The following GRIP1 variants were observed in gnomAD, a reference collection of about 807,000 sequenced individuals.
GRIP1 encodes the protein glutamate receptor interacting protein 1, also known as glutamate receptor-interacting protein 1.
In GRIP1, 45 loss-of-function variants were observed where a neutral mutation model predicts 129.9. That is an observed-to-expected ratio of 0.35 (90% CI 0.27 to 0.44). The LOEUF is 0.44. GRIP1 is among the 20% of genes least tolerant of loss of function. The probability of loss-of-function intolerance (pLI) is 1.00; values close to 1 mark genes in which losing one functional copy is unlikely to be tolerated. For missense variants in GRIP1, 1,196 were observed against 1,396.8 expected, an observed-to-expected ratio of 0.86 and a Z score of 2.29; for synonymous variants, 530 against 520.8, an observed-to-expected ratio of 1.02 and a Z score of -0.24.
At chr12:66,955,464 T>TATAA (rs1490194879) in intron 1 of GRIP1, among the ~76,000 whole-genome samples, 1 of 151,640 alleles carries the variant, frequency 6.6e-6, no homozygotes, top group Admixed American at 6.6e-5. Flanking sequence ...AACTGAAACT[T>TATAA]ATAAACAAAA....
intron 13 of GRIP1, among the ~76,000 whole-genome samples, chr12:66,443,428 A>T (rs4913521): frequency 0.39 from 56,784 of 147,350 alleles, 10,759 homozygotes; most frequent in East Asian, 0.5. Flanking sequence ...CTACCGCAAT[A>T]TTTTTTTTTT....
chr12:66,730,695 C>T (rs1050065055), intron 1 of GRIP1, among the ~76,000 whole-genome samples: 2 of 70,030 alleles, frequency 2.9e-5, no homozygotes, highest in Non-Finnish European at 5.8e-5. Context: ...CCAAGAGGGT[C>T]ATCTACAAAA....
upstream of GRIP1, among the ~76,000 whole-genome samples, chr12:66,681,153 C>A (rs947932451): frequency 1.3e-5 from 2 of 152,112 alleles, no homozygotes; most frequent in African/African-American, 4.8e-5. Context: ...CCATATCTAT[C>A]CTATTAGTCT....
chr12:66,361,030 T>A (rs2054732953), intron 23 of GRIP1, among the ~76,000 whole-genome samples: 1 of 152,242 alleles, frequency 6.6e-6, no homozygotes, highest in South Asian at 2.1e-4. Flanking sequence ...CCCATTCCTT[T>A]AACTCTGACA....
chr12:66,673,118 T>C (rs976913744), intron 1 of GRIP1, among the ~76,000 whole-genome samples: 2 of 152,026 alleles, frequency 1.3e-5, no homozygotes, highest in African/African-American at 4.8e-5. Context: ...AGAAAAAAAA[T>C]GGCAAAAATG....
chr12:67,006,016 C>T (rs559686320), intron 1 of GRIP1, among the ~76,000 whole-genome samples: 46 of 152,252 alleles, frequency 3.0e-4, no homozygotes, highest in Non-Finnish European at 4.6e-4. Context: ...ATCCACATAC[C>T]AGCTCCTTGG....
intron 1 of GRIP1, among the ~76,000 whole-genome samples, chr12:66,701,425 T>C (rs1454466188): frequency 6.6e-6 from 1 of 152,184 alleles, no homozygotes; most frequent in Non-Finnish European, 1.5e-5. Context: ...ATAATGTAAC[T>C]GGAAATACAG....
intron 1 of GRIP1, among the ~76,000 whole-genome samples, chr12:66,612,885 C>G (rs1444751703): frequency 1.3e-5 from 2 of 152,004 alleles, no homozygotes; most frequent in East Asian, 3.9e-4. Context: ...AAAACTCATG[C>G]AAATGAAGAT....
intron 1 of GRIP1, among the ~76,000 whole-genome samples, chr12:66,961,612 T>G (rs2041922423): frequency 6.6e-6 from 1 of 152,204 alleles, no homozygotes; most frequent in South Asian, 2.1e-4. Context: ...AGGATTTTTT[T>G]TTTGTTTTAA....
rs762416530 is a variant in GRIP1 at position 66,529,879 on chromosome 12, C to T, written c.454G>A (p.Glu152Lys). 4.4e-6 allele frequency: 7 copies of T among 1,606,572 alleles called. No homozygotes were observed. Among genetic ancestry groups the T allele is most frequent in the Non-Finnish European group, 6.0e-6 (7 of 1,173,162 alleles). Residue 152 changes from glutamate (E) to lysine (K), a missense_variant, in exon 5 of 25, where the codon GAG (glutamate) becomes AAG (lysine). This residue lies in a region of GRIP1 where 217 missense variants were observed against 224.8 expected (regional missense o/e 0.97). Transcript: ENST00000359742. ...TTGCCTTCTTTATGTAATGTGACCTCCACTGTTCGGAAAATAACACTTGAT... is the reference window on the plus strand; with the variant it reads ...TTGCCTTCTTTATGTAATGTGACCTTCACTGTTCGGAAAATAACACTTGAT... ...QGSSVIFRTV[E>K]VTLHKEGNTF...
chr12:67,019,094 G>T (rs2042828598), intron 1 of GRIP1, among the ~76,000 whole-genome samples: 1 of 152,162 alleles, frequency 6.6e-6, no homozygotes, highest in Non-Finnish European at 1.5e-5. Context: ...AAAACCGTGG[G>T]TTGAGAAAGG....
intron 1 of GRIP1, among the ~76,000 whole-genome samples, chr12:67,039,018 A>AACACAC (rs10562551): frequency 1.7e-4 from 26 of 149,046 alleles, no homozygotes; most frequent in Middle Eastern, 3.4e-3. Context: ...ACAAATAATA[A>AACACAC]ACACACACAC....
intron 11 of GRIP1, among the ~76,000 whole-genome samples, chr12:66,445,927 G>A (rs1373844403): frequency 6.6e-6 from 1 of 152,084 alleles, no homozygotes; most frequent in African/African-American, 2.4e-5. Flanking sequence ...TTCCACTTTA[G>A]CCATTTGCAT....
intron 1 of GRIP1, among the ~76,000 whole-genome samples, chr12:66,736,951 C>G (rs2036622982): frequency 2.0e-5 from 3 of 150,648 alleles, no homozygotes; most frequent in Non-Finnish European, 4.4e-5. Flanking sequence ...GTGTTAAAAC[C>G]CTTACATTCT....
In GRIP1 at chr12:66,485,155, G is replaced by A. The variant is rs1362271331; in HGVS notation, c.725-19733C>T. Among the ~76,000 whole-genome samples the A allele has an allele frequency of 2.0e-5, 3 of 152,146 alleles. 1 individual carries two copies. In the East Asian group the frequency reaches 5.8e-4, roughly 29 times the overall value. On this transcript the variant is annotated intron_variant, in intron 7 of 24. Transcript: ENST00000359742. ...ATTTGCTGTCCCACCAGAAGGGAAT[G>A]AGAATTCCAGTTGCTCTATATGTTT...
intron 1 of GRIP1, among the ~76,000 whole-genome samples, chr12:66,903,493 G>T (rs562713806): frequency 1.1e-4 from 17 of 151,928 alleles, no homozygotes; most frequent in African/African-American, 4.1e-4. Flanking sequence ...TTTGAAGAAA[G>T]ATAAATTATT....
chr12:66,538,933 A>T, intron 4 of GRIP1, 145 bp downstream of exon 4: 1 of 718,764 alleles, frequency 1.4e-6, no homozygotes, highest in South Asian at 1.7e-5. Context: ...TACTGTGCCA[A>T]ATTTATCAAT....
At chr12:66,616,549 C>T (rs2065044935) in intron 1 of GRIP1, among the ~76,000 whole-genome samples, 1 of 152,108 alleles carries the variant, frequency 6.6e-6, no homozygotes, top group Admixed American at 6.6e-5. Flanking sequence ...TGGCCCTCAA[C>T]ACTCATGACA....
chr12:66,474,443 G>A (rs1315475417), intron 7 of GRIP1, among the ~76,000 whole-genome samples: 1 of 152,064 alleles, frequency 6.6e-6, no homozygotes, highest in Non-Finnish European at 1.5e-5. Flanking sequence ...ACCTAGCAAG[G>A]CAGGCCAACA....
Sources: allele counts gnomAD v4.1 joint callset (sites outside exome capture counted in the v4.1 genomes callset), GRCh38; gene constraint gnomAD v4.1.1; regional missense constraint gnomAD v4.1.1; transcripts MANE v1.5; gene names NCBI Gene and HGNC (gene_info 2026-07-23, HGNC 2026-07-21).